The following PPP2R5D variants were observed in gnomAD, a reference collection of about 807,000 sequenced individuals.
PPP2R5D encodes the protein serine/threonine-protein phosphatase 2A 56 kDa regulatory subunit delta isoform.
PPP2R5D carries 12 observed loss-of-function variants against 79.1 expected under a neutral mutation model. The observed-to-expected ratio is 0.15, with a 90% CI of 0.10 to 0.25. PPP2R5D has a LOEUF of 0.25. Ranked by LOEUF, PPP2R5D falls within the 10% of genes least tolerant of loss-of-function variation. PPP2R5D has a pLI of 1.00. For synonymous variants in PPP2R5D, 277 were observed against 286.6 expected (o/e 0.97, Z 0.34); for missense variants, 419 against 760.2 (o/e 0.55, Z 5.28).
intron 2 of PPP2R5D, among the ~76,000 whole-genome samples, chr6:43,000,739 G>A (rs531688517): frequency 6.6e-6 from 1 of 152,318 alleles, no homozygotes; most frequent in South Asian, 2.1e-4. Flanking sequence ...TTCAGACTCT[G>A]CTCCTAATGC....
At chr6:42,991,358 C>T (rs540325832) in intron 2 of PPP2R5D, among the ~76,000 whole-genome samples, 23 of 152,202 alleles carry the variant, frequency 1.5e-4, no homozygotes, top group Admixed American at 7.8e-4. Flanking sequence ...TGGGGAGTTC[C>T]CACCTTTTGC....
At chr6:42,994,803 A>G (rs1375466145) in intron 2 of PPP2R5D, among the ~76,000 whole-genome samples, 5 of 148,996 alleles carry the variant, frequency 3.4e-5, no homozygotes, top group Non-Finnish European at 7.4e-5. Flanking sequence ...GGGCAACAAG[A>G]GCAAAACTCC....
chr6:42,984,744 C>T (rs766210253), intron 1 of PPP2R5D, 40 bp downstream of exon 1: 43 of 1,610,396 alleles, frequency 2.7e-5, no homozygotes, highest in Admixed American at 1.2e-4. Flanking sequence ...GCCTTGGAGC[C>T]TGCGCGGAGC....
chr6:42,995,575 C>T (rs1319851154), intron 2 of PPP2R5D, among the ~76,000 whole-genome samples: 17 of 148,830 alleles, frequency 1.1e-4, no homozygotes, highest in African/African-American at 3.5e-4. Flanking sequence ...TTTTTTGAGA[C>T]GGAGTCTCGC....
rs528373239 is a variant in PPP2R5D at position 42,988,938 on chromosome 6, C to T, written c.28-673C>T. ...TGCTGGGCAGGCCAGGGCTCTGAGCCAGCTGCCAGGTTCCCAAAGGAGACT... is the reference window on the plus strand; with the variant it reads ...TGCTGGGCAGGCCAGGGCTCTGAGCTAGCTGCCAGGTTCCCAAAGGAGACT... On this transcript the variant is annotated intron_variant, in intron 1 of 15. Transcript: ENST00000485511. Among the ~76,000 whole-genome samples, 18 of 152,322 alleles carry T rather than the reference C, an allele frequency of 1.2e-4. 1 individual carries two copies. The highest frequency in any genetic ancestry group is 4.1e-4 in the African/African-American group (17 of 41,572).
Position 43,011,619 on chromosome 6 carries a change from C to G in PPP2R5D, c.*333C>G. 6.1e-6 allele frequency: 2 copies of G among 328,408 alleles called. No individual in the cohort carries two copies. The highest frequency in any genetic ancestry group is 8.2e-5 in the South Asian group (2 of 24,400). 20.3% of individuals were successfully genotyped at this position (328,408 alleles called of 1,614,324 possible). A position where few individuals can be genotyped will look rare whatever the true frequency, so the allele number is the denominator to read the frequency against. On this transcript the variant is annotated 3_prime_UTR_variant, in exon 16 of 16. Coordinates refer to ENST00000485511, the MANE Select transcript of PPP2R5D (RefSeq NM_006245.4). ...TACACACAGGAATACATACGCTCCT[C>G]TATTCTTCCCTTCATCCTCATTTGA...
chr6:42,988,642 AG>A (rs1219671922), intron 1 of PPP2R5D, among the ~76,000 whole-genome samples: 1 of 152,174 alleles, frequency 6.6e-6, no homozygotes, highest in Non-Finnish European at 1.5e-5. Context: ...ATCCACTCCC[AG>A]TATGGGTTGC....
At chr6:43,011,086 C>A (rs41274902) in intron 15 of PPP2R5D, 63 bp from the exon 16 acceptor site, 1 of 1,611,246 alleles carries the variant, frequency 6.2e-7, no homozygotes, top group Non-Finnish European at 8.5e-7. Context: ...AATAAGGGGA[C>A]GGAACAATAG....
chr6:42,995,126 C>CTTTCTTT (rs1437034798), intron 2 of PPP2R5D, among the ~76,000 whole-genome samples: 5 of 106,366 alleles, frequency 4.7e-5, no homozygotes, highest in African/African-American at 2.1e-4. Flanking sequence ...CTTTTTCTTT[C>CTTTCTTT]TTTTTTTTTT....
rs1387240913 is a variant in PPP2R5D, at chr6:43,008,667, C to T, written c.1027-26C>T. 6.2e-7 allele frequency: 1 copy of T among 1,612,042 alleles called. No individual in the cohort carries two copies. The highest frequency in any genetic ancestry group is 8.5e-7 in the Non-Finnish European group (1 of 1,178,230). On this transcript the variant is annotated intron_variant, in intron 9 of 15. Coordinates refer to ENST00000485511, the MANE Select transcript of PPP2R5D (RefSeq NM_006245.4). This position sits in a 1 kb window ranked among gnomAD's most constrained non-coding sequence, Gnocchi z 4.2. ...AGAGCTTCTAGGACCTACACCTCAC[C>T]TCCCTTCTACCTCACACCTTTGCAG...
chr6:43,006,514 C>A lies in PPP2R5D; in HGVS notation c.157C>A (p.Pro53Thr), dbSNP rs757369209. The change falls in exon 3 of 16, where the codon CCG becomes ACG. Residue 53 changes from proline to threonine, a missense_variant. Transcript: ENST00000485511. This position sits in a 1 kb window ranked among gnomAD's most constrained non-coding sequence, Gnocchi z 4.7. ...CCAGCCCCAAGCCCAGTCTCAGCCA[C>A]CGTCATCCAACAAGCGTCCCAGCAA... is the stretch of plus-strand genomic sequence containing the variant. ...QPQPQAQSQP[P>T]SSNKRPSNST... The A allele has an allele frequency of 1.9e-6, 3 of 1,614,052 alleles. No individual in the cohort carries two copies. In the South Asian group the frequency reaches 3.3e-5, roughly 18 times the overall value.
At position 43,011,288 on chromosome 6, in the gene PPP2R5D, C is replaced by T. The variant is rs1243733358; in HGVS notation, c.*2C>T. ...ACTGCCAGCCAGGAGGCTCTCTGAC[C>T]CCTCACGTTCCTACCACAGGGCCAC... On this transcript the variant is annotated 3_prime_UTR_variant, in exon 16 of 16. Transcript: ENST00000485511. 3 of 1,613,582 alleles carry T rather than the reference C, an allele frequency of 1.9e-6. No homozygotes were observed. The highest frequency in any genetic ancestry group is 2.7e-5 in the African/African-American group (2 of 74,870).
Position 43,007,899 on chromosome 6 carries a change from G to C in PPP2R5D, c.727-36G>C. ...CTGGCCACTGCCTTCCCTGGCTGCT[G>C]CCTCACTGGCTGCTTTCCCTCCCTT... On this transcript the variant is annotated intron_variant, in intron 6 of 15. Coordinates refer to ENST00000485511, the MANE Select transcript of PPP2R5D (RefSeq NM_006245.4). This position sits in a 1 kb window ranked among gnomAD's most constrained non-coding sequence, Gnocchi z 4.5. 1 of 1,611,324 alleles carries C rather than the reference G, an allele frequency of 6.2e-7. No individual in the cohort carries two copies. The highest frequency in any genetic ancestry group is 8.5e-7 in the Non-Finnish European group (1 of 1,177,840).
In PPP2R5D at chr6:43,009,451, T is replaced by G; in HGVS notation, c.1379+2T>G. 1 of 1,614,002 alleles carries G rather than the reference T, an allele frequency of 6.2e-7. No individual in the cohort carries two copies. The stretch of plus-strand genomic sequence containing the variant: ...GAACTCCAAGAGCCACTGGAACAAG[T>G]AAGGCGCTGGGGTGGGGCTGGGTGG... On this transcript the variant is annotated splice_donor_variant, in intron 12 of 15. Coordinates refer to ENST00000485511, the MANE Select transcript of PPP2R5D (RefSeq NM_006245.4). LOFTEE classifies it high-confidence loss of function. The surrounding 1 kb of genome is among the most constrained non-coding windows in gnomAD (Gnocchi z 5.6).
chr6:42,991,057 G>T (rs1231716449), intron 2 of PPP2R5D, among the ~76,000 whole-genome samples: 1 of 152,072 alleles, frequency 6.6e-6, no homozygotes, highest in Non-Finnish European at 1.5e-5. Context: ...TTATCACTCA[G>T]CTCTGTGACG....
At chr6:42,997,076 A>G (rs1048826020) in intron 2 of PPP2R5D, among the ~76,000 whole-genome samples, 1 of 151,922 alleles carries the variant, frequency 6.6e-6, no homozygotes, top group African/African-American at 2.4e-5. Flanking sequence ...GCTCACTGCA[A>G]CCTCTGCCTC....
intron 1 of PPP2R5D, 142 bp downstream of exon 1, chr6:42,984,846 C>G: frequency 1.5e-6 from 2 of 1,330,720 alleles, no homozygotes. Flanking sequence ...CCTCCGCCCC[C>G]GCGGCTGGCA....
Position 43,007,543 on chromosome 6 carries a change from C to T in PPP2R5D, c.726+37C>T, listed in dbSNP as rs764486205. On this transcript the variant is annotated intron_variant, in intron 6 of 15. Coordinates refer to ENST00000485511, the MANE Select transcript of PPP2R5D (RefSeq NM_006245.4). The surrounding 1 kb of genome is among the most constrained non-coding windows in gnomAD (Gnocchi z 4.5). ...AGTTCCTGTCCTTGCCCTCTCTTTC[C>T]ATTCCATGCCCCCTTCATCTGTGTC... 6.6e-7 allele frequency: 1 copy of T among 1,515,676 alleles called. No homozygotes were observed. The highest frequency in any genetic ancestry group is 1.4e-5 in the African/African-American group (1 of 72,762). The allele number at this position is 1,515,676 out of a possible 1,614,324, so 93.9% of individuals were successfully genotyped here. A position where few individuals can be genotyped will look rare whatever the true frequency, so the allele number is the denominator to read the frequency against.
Position 43,010,231 on chromosome 6 carries a change from C to T in PPP2R5D, c.1380-237C>T, listed in dbSNP as rs1762285919. ...GATGGGAGGTAGGCAGGCCTTGGAG[C>T]ATGGGGTGAGGGAAGGATGGACAGG... On this transcript the variant is annotated intron_variant, in intron 12 of 15. Transcript: ENST00000485511. This position sits in a 1 kb window ranked among gnomAD's most constrained non-coding sequence, Gnocchi z 4.7. 6.6e-6 allele frequency among the ~76,000 whole-genome samples: 1 copy of T among 152,050 alleles called. No homozygotes were observed. The highest frequency in any genetic ancestry group is 2.1e-4 in the South Asian group (1 of 4,824).
Sources: gnomAD v4.1 joint callset for allele counts (sites outside exome capture counted in the v4.1 genomes callset) on GRCh38, gnomAD v4.1.1 for gene constraint, Gnocchi (gnomAD v3.1) non-coding constraint, MANE v1.5 for transcripts, NCBI Gene and HGNC (gene_info 2026-07-23, HGNC 2026-07-21) for gene names.